Variants in PSMB2 observed in about 807,000 individuals in gnomAD.
PSMB2 encodes the protein proteasome subunit beta type-2.
In PSMB2, 13 loss-of-function variants were observed where a neutral mutation model predicts 25.7. The ratio of observed to expected loss-of-function variants is 0.51; its 90% CI spans 0.33 to 0.80. The LOEUF is 0.80. Among genes scored for constraint, PSMB2 ranks in the 30% least tolerant of loss-of-function variants. The pLI is 0.02. For synonymous variants in PSMB2, 87 were observed against 96.2 expected (o/e 0.90, Z 0.56); for missense variants, 202 against 259.0 (o/e 0.78, Z 1.51).
chr1:35,610,598 C>T (rs1468515808), intron 3 of PSMB2, among the ~76,000 whole-genome samples: 2 of 152,048 alleles, frequency 1.3e-5, no homozygotes, highest in Non-Finnish European at 2.9e-5. Flanking sequence ...CAGGTTCAAG[C>T]GATTCTCCTG....
intron 3 of PSMB2, among the ~76,000 whole-genome samples, chr1:35,615,771 G>A (rs1650475132): frequency 6.6e-6 from 1 of 152,202 alleles, no homozygotes. Flanking sequence ...TGAGTGAGGT[G>A]CTTTGGAGAA....
intron 3 of PSMB2, among the ~76,000 whole-genome samples, chr1:35,625,060 C>CA (rs5773505): frequency 0.85 from 124,197 of 146,058 alleles, 55,037 homozygotes; most frequent in Non-Finnish European, 0.98. Context: ...AACTCCACCT[C>CA]AAAAAAAAAA....
intron 3 of PSMB2, among the ~76,000 whole-genome samples, chr1:35,610,420 C>CA (rs989590313): frequency 4.1e-5 from 6 of 147,150 alleles, no homozygotes; most frequent in Non-Finnish European, 7.5e-5. Context: ...AGCCTGGGTT[C>CA]AAAAAAAAAG....
At chr1:35,606,113 T>A (rs1270183725) in intron 4 of PSMB2, among the ~76,000 whole-genome samples, 3 of 152,192 alleles carry the variant, frequency 2.0e-5, no homozygotes, top group African/African-American at 7.2e-5. Context: ...AAGTACCCAC[T>A]GCCCACAGAG....
chr1:35,603,424 A>T, intron 5 of PSMB2, 50 bp from the exon 6 acceptor site: 1 of 1,600,900 alleles, frequency 6.2e-7, no homozygotes, highest in Non-Finnish European at 8.5e-7. Flanking sequence ...ACTAAGTTCT[A>T]TGTGCCAGGC....
At chr1:35,614,543 G>A (rs1650439866) in intron 3 of PSMB2, among the ~76,000 whole-genome samples, 1 of 152,122 alleles carries the variant, frequency 6.6e-6, no homozygotes, top group African/African-American at 2.4e-5. Flanking sequence ...GGTCCCCAAG[G>A]GGAAGAACTG....
intron 2 of PSMB2, 44 bp from the exon 3 acceptor site, chr1:35,631,388 G>A (rs764241690): frequency 6.2e-7 from 1 of 1,607,916 alleles, no homozygotes; most frequent in African/African-American, 1.3e-5. Flanking sequence ...AAAGCAGAAG[G>A]AATAACAGTG....
intron 4 of PSMB2, among the ~76,000 whole-genome samples, chr1:35,607,978 G>C (rs76189316): frequency 0.041 from 6,168 of 152,292 alleles, 293 homozygotes; most frequent in African/African-American, 0.12. Flanking sequence ...ATATGTAGAA[G>C]CTAAAAAAGC....
At chr1:35,618,181 G>GAC (rs756141608) in intron 3 of PSMB2, among the ~76,000 whole-genome samples, 29 of 152,172 alleles carry the variant, frequency 1.9e-4, no homozygotes, top group Non-Finnish European at 4.0e-4. Context: ...TATGAAATAT[G>GAC]AGATATATTT....
chr1:35,605,949 T>C lies in PSMB2; in HGVS notation c.449-667A>G, dbSNP rs145167437. Among the ~76,000 whole-genome samples, 515 of 152,308 alleles carry C rather than the reference T, an allele frequency of 3.4e-3. 3 individuals carry two copies. The highest frequency in any genetic ancestry group is 0.012 in the African/African-American group (497 of 41,568). ...GGCTAATTCTTTTCAGGATGTGGCC[T>C]GGAGCTCTAGCGTGGCTAAGGTTGA... On this transcript the variant is annotated intron_variant, in intron 4 of 5. Transcript: ENST00000373237.
intron 4 of PSMB2, among the ~76,000 whole-genome samples, chr1:35,609,029 A>G (rs1414828704): frequency 6.6e-6 from 1 of 152,250 alleles, no homozygotes; most frequent in Admixed American, 6.5e-5. Context: ...GATATGTACT[A>G]TCTCATTTTG....
rs79026634 is a variant in PSMB2, at chr1:35,600,632, T to G, written c.*2635A>C. 3.4e-3 allele frequency: 3,360 copies of G among 985,394 alleles called. 63 individuals are homozygous for G. The East Asian group carries it at 0.063, about 18-fold the overall frequency. The allele number at this position is 985,394 out of a possible 1,614,324, so 61.0% of individuals were successfully genotyped here. A position where few individuals can be genotyped will look rare whatever the true frequency, so the allele number is the denominator to read the frequency against. ...AGAGGGGCAGATGGTAAGGCTCAGC[T>G]TTAGACATACTGAGTTCGATGTCCC... is the stretch of plus-strand genomic sequence containing the variant. On this transcript the variant is annotated 3_prime_UTR_variant, in exon 6 of 6. Transcript: ENST00000373237.
intron 3 of PSMB2, among the ~76,000 whole-genome samples, chr1:35,610,041 T>G (rs1175058476): frequency 6.6e-6 from 1 of 152,202 alleles, no homozygotes; most frequent in Non-Finnish European, 1.5e-5. Context: ...GCCAGGCCAC[T>G]GACTGAAAAA....
chr1:35,636,228 GTT>G, intron 2 of PSMB2, 80 bp downstream of exon 2: 1 of 1,536,776 alleles, frequency 6.5e-7, no homozygotes, highest in Non-Finnish European at 8.9e-7. Context: ...CATTTCTGTT[GTT>G]TAAGCCACCC....
chr1:35,631,267 T>C lies in PSMB2; in HGVS notation c.285+7A>G. 2 of 1,612,222 alleles carry C rather than the reference T, an allele frequency of 1.2e-6. No homozygotes were observed. Among genetic ancestry groups the C allele is most frequent in the Middle Eastern group, 1.7e-4 (1 of 6,050 alleles). Reference sequence around the variant, plus strand: ...CTCTATCTAACAATGTCTGATATATTACTTACCCGACTCCGAAGACAGTCA... The same window carrying C: ...CTCTATCTAACAATGTCTGATATATCACTTACCCGACTCCGAAGACAGTCA... On this transcript the variant is annotated splice_region_variant and intron_variant, in intron 3 of 5. Coordinates refer to ENST00000373237, the MANE Select transcript of PSMB2 (RefSeq NM_002794.5).
intron 3 of PSMB2, among the ~76,000 whole-genome samples, chr1:35,628,593 AAAAATATAT>A (rs1279142889): frequency 6.1e-3 from 165 of 27,120 alleles, no homozygotes; most frequent in South Asian, 0.034. Flanking sequence ...AAAAAAAAAA[AAAAATATAT>A]ATATATATAT....
chr1:35,634,804 T>A (rs952526168), intron 2 of PSMB2, among the ~76,000 whole-genome samples: 15 of 150,748 alleles, frequency 1.0e-4, no homozygotes, highest in Non-Finnish European at 2.1e-4. Context: ...TTTAAAAAAA[T>A]TTTTTTTAGA....
intron 1 of PSMB2, among the ~76,000 whole-genome samples, chr1:35,641,072 C>G (rs1031963263): frequency 3.3e-5 from 5 of 152,142 alleles, no homozygotes; most frequent in Non-Finnish European, 7.3e-5. Flanking sequence ...CATATCTGTT[C>G]CCAGCTACTC....
chr1:35,626,318 A>G (rs532935597), intron 3 of PSMB2, among the ~76,000 whole-genome samples: 3 of 152,314 alleles, frequency 2.0e-5, no homozygotes, highest in African/African-American at 4.8e-5. Context: ...TTTAATTCCT[A>G]TACAAATTAA....
Sources: allele counts gnomAD v4.1 joint callset (sites outside exome capture counted in the v4.1 genomes callset), GRCh38; gene constraint gnomAD v4.1.1; transcripts MANE v1.5; gene names NCBI Gene and HGNC (gene_info 2026-07-23, HGNC 2026-07-21).